The following HS6ST3 variants were observed in gnomAD, a reference collection of about 807,000 sequenced individuals.
The protein encoded by HS6ST3 is heparan-sulfate 6-O-sulfotransferase 3.
A neutral mutation model predicts 36.7 loss-of-function variants in HS6ST3; 12 were observed. That is an observed-to-expected ratio of 0.33 (90% CI 0.21 to 0.53). HS6ST3 has a LOEUF of 0.53. Ranked by LOEUF, HS6ST3 falls within the 20% of genes least tolerant of loss-of-function variation. HS6ST3 has a pLI of 0.95. For missense variants in HS6ST3, 584 were observed against 640.9 expected (o/e 0.91, Z 0.96); for synonymous variants, 240 against 257.5 (o/e 0.93, Z 0.65).
At chr13:96,332,292 A>G (rs2055075167) in intron 1 of HS6ST3, among the ~76,000 whole-genome samples, 1 of 152,224 alleles carries the variant, frequency 6.6e-6, no homozygotes, top group Admixed American at 6.5e-5. Flanking sequence ...TGTAGAATAC[A>G]TAAAAGGACT....
At chr13:96,446,887 G>A (rs1474743918) in intron 1 of HS6ST3, among the ~76,000 whole-genome samples, 1 of 152,202 alleles carries the variant, frequency 6.6e-6, no homozygotes, top group Non-Finnish European at 1.5e-5. Context: ...CATATAGTGA[G>A]ACTATTATCT....
chr13:96,298,752 C>T (rs1292966246), intron 1 of HS6ST3, among the ~76,000 whole-genome samples: 1 of 152,122 alleles, frequency 6.6e-6, no homozygotes, highest in Non-Finnish European at 1.5e-5. Flanking sequence ...CCTCTGTGTC[C>T]TCTGCCTATT....
chr13:96,503,298 T>C (rs2056012921), intron 1 of HS6ST3, among the ~76,000 whole-genome samples: 1 of 152,172 alleles, frequency 6.6e-6, no homozygotes, highest in Admixed American at 6.6e-5. Context: ...CAACATCTGT[T>C]GAGAACTACC....
chr13:96,152,311 C>G lies in HS6ST3; in HGVS notation c.707+60742C>G, dbSNP rs371941163. Among the ~76,000 whole-genome samples the G allele has an allele frequency of 2.2e-4, 26 of 118,778 alleles. 1 individual carries two copies. The highest frequency in any genetic ancestry group is 6.5e-4 in the African/African-American group (21 of 32,240). 77.9% of individuals were successfully genotyped at this position (118,778 alleles called of 152,430 possible). A position where few individuals can be genotyped will look rare whatever the true frequency, so the allele number is the denominator to read the frequency against. On this transcript the variant is annotated intron_variant, in intron 1 of 1. Coordinates refer to ENST00000376705, the MANE Select transcript of HS6ST3 (RefSeq NM_153456.4). ...ACTAAAGTATATTTCCAACTGGCCC[C>G]TTTCCTTTTTTTTTTTTTTTTTTTG...
chr13:96,172,294 A>G lies in HS6ST3; in HGVS notation c.707+80725A>G, dbSNP rs555408926. On this transcript the variant is annotated intron_variant, in intron 1 of 1. Transcript: ENST00000376705. ...CTTTGCAAGGCAATGACATCATCAAAGGGTATATCATGCAGTCCAGTGTTG... is the reference window on the plus strand; with the variant it reads ...CTTTGCAAGGCAATGACATCATCAAGGGGTATATCATGCAGTCCAGTGTTG... Among the ~76,000 whole-genome samples the G allele has an allele frequency of 5.3e-5, 8 of 152,312 alleles. 1 individual carries two copies. The East Asian group carries it at 5.8e-4, about 11-fold the overall frequency.
intron 1 of HS6ST3, among the ~76,000 whole-genome samples, chr13:96,232,751 C>T (rs1201769252): frequency 6.6e-6 from 1 of 151,918 alleles, no homozygotes; most frequent in Non-Finnish European, 1.5e-5. Flanking sequence ...ATGATCGGTA[C>T]CTAAAGATGA....
At chr13:96,399,171 C>A (rs948523790) in intron 1 of HS6ST3, among the ~76,000 whole-genome samples, 13 of 152,180 alleles carry the variant, frequency 8.5e-5, no homozygotes, top group Non-Finnish European at 1.9e-4. Flanking sequence ...CTGATTTTGA[C>A]CAACCTTTGC....
At chr13:96,177,480 A>T (rs1311144195) in intron 1 of HS6ST3, among the ~76,000 whole-genome samples, 1 of 152,208 alleles carries the variant, frequency 6.6e-6, no homozygotes, top group Non-Finnish European at 1.5e-5. Flanking sequence ...GGGAACGTGG[A>T]TGAAGCTAGA....
intron 1 of HS6ST3, among the ~76,000 whole-genome samples, chr13:96,389,429 T>A (rs1193160328): frequency 6.6e-6 from 1 of 152,194 alleles, no homozygotes; most frequent in Non-Finnish European, 1.5e-5. Flanking sequence ...GAAATAAATA[T>A]GTATATCAAG....
intron 1 of HS6ST3, among the ~76,000 whole-genome samples, chr13:96,102,729 T>C (rs2053823846): frequency 6.6e-6 from 1 of 152,238 alleles, no homozygotes; most frequent in South Asian, 2.1e-4. Flanking sequence ...AACAATTCAT[T>C]TGTTAATTTC....
At chr13:96,629,498 T>C (rs2056524570) in intron 1 of HS6ST3, among the ~76,000 whole-genome samples, 1 of 152,194 alleles carries the variant, frequency 6.6e-6, no homozygotes, top group Admixed American at 6.5e-5. Context: ...TTCTTGAACA[T>C]TAGTATTGTG....
chr13:96,228,323 A>G (rs190670959), intron 1 of HS6ST3, among the ~76,000 whole-genome samples: 265 of 152,332 alleles, frequency 1.7e-3, no homozygotes, highest in African/African-American at 6.1e-3. Flanking sequence ...CATTGGCACA[A>G]TCTTGGCTCA....
chr13:96,550,583 T>C (rs140161827), intron 1 of HS6ST3, among the ~76,000 whole-genome samples: 1 of 152,292 alleles, frequency 6.6e-6, no homozygotes, highest in African/African-American at 2.4e-5. Flanking sequence ...CCAGTACTTA[T>C]TAAATCAACA....
At chr13:96,763,162 TA>T in intron 1 of HS6ST3, among the ~76,000 whole-genome samples, 2 of 152,154 alleles carry the variant, frequency 1.3e-5, no homozygotes, top group Admixed American at 1.3e-4. Context: ...TGTGGACTAC[TA>T]AAAAGTTTTC....
intron 1 of HS6ST3, among the ~76,000 whole-genome samples, chr13:96,692,287 A>G (rs1210506734): frequency 2.0e-5 from 3 of 152,128 alleles, no homozygotes; most frequent in Admixed American, 6.6e-5. Context: ...ACATCCTCCC[A>G]TATACTTTAA....
intron 1 of HS6ST3, among the ~76,000 whole-genome samples, chr13:96,447,070 C>T (rs1332548655): frequency 2.0e-5 from 3 of 152,096 alleles, no homozygotes; most frequent in East Asian, 3.9e-4. Context: ...CCCTGCATGC[C>T]GTCCTGTGTT....
chr13:96,722,050 G>C (rs1470656524), intron 1 of HS6ST3, among the ~76,000 whole-genome samples: 1 of 152,126 alleles, frequency 6.6e-6, no homozygotes, highest in Non-Finnish European at 1.5e-5. Context: ...CGGATCACCT[G>C]AGGTCAGGAG....
intron 1 of HS6ST3, among the ~76,000 whole-genome samples, chr13:96,252,413 A>G (rs118098278): frequency 0.027 from 4,110 of 152,182 alleles, 76 homozygotes; most frequent in East Asian, 0.054. Context: ...GACCTTTTCT[A>G]TGGATTCCCT....
intron 1 of HS6ST3, among the ~76,000 whole-genome samples, chr13:96,404,146 A>G (rs2055465265): frequency 6.6e-6 from 1 of 152,228 alleles, no homozygotes; most frequent in African/African-American, 2.4e-5. Flanking sequence ...TTTAACACTC[A>G]ACCATTTTTC....
Sources: gnomAD v4.1 joint callset for allele counts (sites outside exome capture counted in the v4.1 genomes callset) on GRCh38, gnomAD v4.1.1 for gene constraint, MANE v1.5 for transcripts, NCBI Gene and HGNC (gene_info 2026-07-23, HGNC 2026-07-21) for gene names.